The following ADCY1 variants were observed in gnomAD, a reference collection of about 807,000 sequenced individuals.
ADCY1 encodes adenylate cyclase type 1.
In ADCY1, 28 loss-of-function variants were observed where a neutral mutation model predicts 105.4. The observed-to-expected ratio is 0.27, with a 90% confidence interval of 0.20 to 0.36. The LOEUF (loss-of-function observed/expected upper bound fraction) is 0.36. Among genes scored for constraint, ADCY1 ranks in the 10% least tolerant of loss-of-function variants. The pLI, the probability that ADCY1 is intolerant of heterozygous loss-of-function variation, is 1.00. For missense variants in ADCY1, 977 were observed against 1,434.2 expected, an observed-to-expected ratio of 0.68 and a Z score of 5.15; for synonymous variants, 655 against 623.8, an observed-to-expected ratio of 1.05 and a Z score of -0.75.
intron 14 of ADCY1, among the ~76,000 whole-genome samples, chr7:45,691,284 T>A (rs1162983433): frequency 6.6e-6 from 1 of 152,242 alleles, no homozygotes; most frequent in Non-Finnish European, 1.5e-5. Context: ...TGTGCATGCG[T>A]GTCACAAGAA....
chr7:45,709,738 G>A (rs1309520306), intron 18 of ADCY1, among the ~76,000 whole-genome samples: 2 of 152,202 alleles, frequency 1.3e-5, no homozygotes, highest in East Asian at 3.9e-4. Flanking sequence ...CCCAGTTGCA[G>A]GAGGTGGCTG....
At chr7:45,584,749 A>C (rs1009212554) in intron 1 of ADCY1, among the ~76,000 whole-genome samples, 2 of 152,196 alleles carry the variant, frequency 1.3e-5, no homozygotes, top group Non-Finnish European at 2.9e-5. Flanking sequence ...CATGTGAAGC[A>C]TCACCTGGTT....
At chr7:45,590,930 A>C (rs1230825566) in intron 1 of ADCY1, among the ~76,000 whole-genome samples, 3 of 151,772 alleles carry the variant, frequency 2.0e-5, no homozygotes, top group Non-Finnish European at 4.4e-5. Flanking sequence ...GGTGTGTCTG[A>C]TGTGTGTGGG....
chr7:45,574,226 C>G, upstream of ADCY1: 1 of 852,874 alleles, frequency 1.2e-6, no homozygotes, highest in African/African-American at 1.8e-5. The surrounding 1 kb of genome is among the most constrained non-coding windows in gnomAD (Gnocchi z 7.0). Flanking sequence ...CGGGCGGGAA[C>G]GCAGGACGCG....
At chr7:45,610,909 AAT>A (rs1793557697) in intron 3 of ADCY1, among the ~76,000 whole-genome samples, 6 of 66,654 alleles carry the variant, frequency 9.0e-5, no homozygotes, top group East Asian at 1.0e-3. Flanking sequence ...GGGAGGTGAT[AAT>A]GGAAGTATGG....
At chr7:45,664,159 C>T (rs117382368) in intron 8 of ADCY1, 10 of 778,086 alleles carry the variant, frequency 1.3e-5, no homozygotes, top group African/African-American at 8.5e-5. Context: ...GAGGGTGGGG[C>T]GTTCCTGCTA....
At chr7:45,593,456 G>A (rs1047487269) in intron 2 of ADCY1, among the ~76,000 whole-genome samples, 2 of 152,208 alleles carry the variant, frequency 1.3e-5, no homozygotes, top group Non-Finnish European at 2.9e-5. Context: ...TGAAACAGCC[G>A]CGAGGGAAAG....
In ADCY1 at chr7:45,720,180, T is replaced by C. The variant is rs1368798348; in HGVS notation, c.*6185T>C. 1 of 152,016 alleles carries C rather than the reference T, an allele frequency of 6.6e-6. No homozygotes were observed. Among genetic ancestry groups the C allele is most frequent in the Admixed American group, 6.6e-5 (1 of 15,266 alleles). The allele number at this position is 152,016 out of a possible 1,614,324, so 9.4% of individuals were successfully genotyped here. ...ACAACAGACAGGTGACCTTCTTGGG[T>C]TGTGCTTCACAATGGACTGGGAAAA... On this transcript the variant is annotated 3_prime_UTR_variant, in exon 20 of 20. Transcript: ENST00000297323.
chr7:45,711,661 GTATACACA>G (rs1254154075), intron 19 of ADCY1, among the ~76,000 whole-genome samples: 4 of 105,308 alleles, frequency 3.8e-5, no homozygotes, highest in Non-Finnish European at 4.1e-5. Flanking sequence ...ACACACGTAT[GTATACACA>G]TATACACATA....
intron 5 of ADCY1, 69 bp downstream of exon 5, chr7:45,648,866 C>T: frequency 6.3e-7 from 1 of 1,580,898 alleles, no homozygotes. Flanking sequence ...GAAGCTGAGC[C>T]ACCTTCTGCC....
chr7:45,706,784 A>G (rs1785129598), intron 17 of ADCY1, among the ~76,000 whole-genome samples: 1 of 152,268 alleles, frequency 6.6e-6, no homozygotes, highest in African/African-American at 2.4e-5. Context: ...ACAGATTAGT[A>G]GAAAATCTTT....
At chr7:45,666,034 T>C (rs1186232858) in intron 8 of ADCY1, among the ~76,000 whole-genome samples, 2 of 151,878 alleles carry the variant, frequency 1.3e-5, no homozygotes, top group East Asian at 3.9e-4. Flanking sequence ...CTCGCACCAC[T>C]GATGCACCTG....
intron 2 of ADCY1, among the ~76,000 whole-genome samples, chr7:45,598,300 T>G (rs1793131173): frequency 6.6e-6 from 1 of 152,166 alleles, no homozygotes; most frequent in Admixed American, 6.5e-5. Context: ...TGGCCACAGA[T>G]CTCCTCAGCT....
Position 45,575,797 on chromosome 7 carries a change from C to G in ADCY1, c.639+615C>G, listed in dbSNP as rs1286279128. Reference sequence around the variant, plus strand: ...CACAGTCTAGTCCCTGCCGCTGCCACTCGGCGGTTGCCCTGACCCTGCCTT... The same window carrying G: ...CACAGTCTAGTCCCTGCCGCTGCCAGTCGGCGGTTGCCCTGACCCTGCCTT... On this transcript the variant is annotated intron_variant, in intron 1 of 19. Coordinates refer to ENST00000297323, the MANE Select transcript of ADCY1 (RefSeq NM_021116.4). This position sits in a 1 kb window ranked among gnomAD's most constrained non-coding sequence, Gnocchi z 4.7. 1.3e-5 allele frequency among the ~76,000 whole-genome samples: 2 copies of G among 152,264 alleles called. No individual in the cohort carries two copies. The highest frequency in any genetic ancestry group is 2.9e-5 in the Non-Finnish European group (2 of 68,044).
chr7:45,624,964 C>T (rs570700135), intron 4 of ADCY1, among the ~76,000 whole-genome samples: 1 of 152,224 alleles, frequency 6.6e-6, no homozygotes, highest in Admixed American at 6.5e-5. Context: ...TCAGCCCAGG[C>T]CCTTTGCAGT....
chr7:45,640,043 A>G (rs1211541618), intron 4 of ADCY1, among the ~76,000 whole-genome samples: 1 of 152,292 alleles, frequency 6.6e-6, no homozygotes, highest in South Asian at 2.1e-4. Flanking sequence ...CTTTAAGGGA[A>G]TATAAGACAA....
chr7:45,662,255 G>A (rs1795124576), intron 8 of ADCY1, 41 bp downstream of exon 8: 1 of 1,590,676 alleles, frequency 6.3e-7, no homozygotes, highest in East Asian at 2.3e-5. Flanking sequence ...GAGCTGCCAG[G>A]GACTGATCTC....
rs558892121 is a variant in ADCY1 at position 45,579,952 on chromosome 7, C to T, written c.639+4770C>T. Among the ~76,000 whole-genome samples, 19 of 149,252 alleles carry T rather than the reference C, an allele frequency of 1.3e-4. No individual in the cohort carries two copies. The East Asian group carries it at 3.6e-3, about 28-fold the overall frequency. On this transcript the variant is annotated intron_variant, in intron 1 of 19. Coordinates refer to ENST00000297323, the MANE Select transcript of ADCY1 (RefSeq NM_021116.4). ...CCCCTGGAAACTGCCCCGTCCCCCC[C>T]TTCCCCCTTCCCCCCTCGCCCCCAT...
At position 45,658,257 on chromosome 7, in the gene ADCY1, A is replaced by G. The variant is rs559635315; in HGVS notation, c.1307+372A>G. 3.3e-5 allele frequency among the ~76,000 whole-genome samples: 5 copies of G among 152,304 alleles called. No individual in the cohort carries two copies. The South Asian group carries it at 8.3e-4, about 25-fold the overall frequency. On this transcript the variant is annotated intron_variant, in intron 6 of 19. Coordinates refer to ENST00000297323, the MANE Select transcript of ADCY1 (RefSeq NM_021116.4). ...TTTGATTTCATTTTCTCAATGTGCA[A>G]ATGGAAAGTGCTGGGACTTTAGAGC...
Sources: gnomAD v4.1 joint callset for allele counts (sites outside exome capture counted in the v4.1 genomes callset) on GRCh38, gnomAD v4.1.1 for gene constraint, Gnocchi (gnomAD v3.1) non-coding constraint, MANE v1.5 for transcripts, NCBI Gene and HGNC (gene_info 2026-07-23, HGNC 2026-07-21) for gene names.